Variants in SERPINE3 observed in about 807,000 individuals in gnomAD.
SERPINE3 encodes the protein serpin E3.
A neutral mutation model predicts 41.7 loss-of-function variants in SERPINE3; 43 were observed. That is an observed-to-expected ratio of 1.03 (90% CI 0.81 to 1.33). SERPINE3 has a LOEUF of 1.33. SERPINE3 is among the 40% of genes most tolerant of loss of function. The pLI is 0.00. For synonymous variants in SERPINE3, 200 were observed against 192.2 expected (o/e 1.04, Z -0.34); for missense variants, 440 against 491.7 (o/e 0.89, Z 0.99).
In SERPINE3 at chr13:51,355,136, A is replaced by G. The variant is rs752468973; in HGVS notation, c.993A>G (p.Gly331=). 6 of 1,501,334 alleles carry G rather than the reference A, an allele frequency of 4.0e-6. No homozygotes were observed. The highest frequency in any genetic ancestry group is 5.4e-6 in the Non-Finnish European group (6 of 1,101,366). The allele number at this position is 1,501,334 out of a possible 1,614,324, so 93.0% of individuals were successfully genotyped here. A position where few individuals can be genotyped will look rare whatever the true frequency, so the allele number is the denominator to read the frequency against. ...ATCCACTCAAAGCTAACTTGAAAGG[A>G]ATTTCAGGTAAAAACGGTTCTTCTT... ...LFDPLKANLK[G]ISGQDGFYVS... Residue 331 remains glycine, a synonymous_variant, in exon 7 of 10, where the codon GGA becomes GGG. Coordinates refer to ENST00000681248, the MANE Select transcript of SERPINE3 (RefSeq NM_001386375.1).
At chr13:51,354,639 C>G (rs1955452820) in intron 6 of SERPINE3, among the ~76,000 whole-genome samples, 1 of 151,510 alleles carries the variant, frequency 6.6e-6, no homozygotes, top group Non-Finnish European at 1.5e-5. Context: ...AGCCACTTTT[C>G]TCAGGTAGTT....
chr13:51,348,848 G>GTCCCCCCATGACCCC (rs1439076333), intron 6 of SERPINE3, among the ~76,000 whole-genome samples: 11 of 150,434 alleles, frequency 7.3e-5, no homozygotes, highest in East Asian at 1.9e-4. Context: ...ACGTAATTGA[G>GTCCCCCCATGACCCC]CAAGTACAGA....
intron 3 of SERPINE3, among the ~76,000 whole-genome samples, chr13:51,342,054 G>A (rs537024668): frequency 6.6e-6 from 1 of 152,076 alleles, no homozygotes; most frequent in Admixed American, 6.5e-5. Flanking sequence ...CTCTGCTTAC[G>A]CTCAGTGCCT....
chr13:51,361,557 CATAAAA>C (rs1955575477), intron 8 of SERPINE3, 193 bp downstream of exon 8: 1 of 584,876 alleles, frequency 1.7e-6, no homozygotes, highest in Admixed American at 3.2e-5. Flanking sequence ...ATATCCATCC[CATAAAA>C]ATAATTCTGA....
intron 6 of SERPINE3, among the ~76,000 whole-genome samples, chr13:51,354,550 G>A (rs1168233574): frequency 2.0e-5 from 3 of 151,002 alleles, no homozygotes; most frequent in Non-Finnish European, 2.9e-5. Context: ...GAGGCCAGAA[G>A]TTTGAGTCCA....
chr13:51,353,199 T>C (rs998533044), intron 6 of SERPINE3, among the ~76,000 whole-genome samples: 1 of 151,970 alleles, frequency 6.6e-6, no homozygotes, highest in Non-Finnish European at 1.5e-5. Flanking sequence ...CTTTTACTGA[T>C]GTTTTTAGTT....
chr13:51,342,854 A>AT (rs1171313489), intron 3 of SERPINE3, among the ~76,000 whole-genome samples: 4 of 152,212 alleles, frequency 2.6e-5, no homozygotes, highest in African/African-American at 9.6e-5. Flanking sequence ...GTTTTTATCC[A>AT]TTTTTTTCTT....
intron 8 of SERPINE3, 97 bp downstream of exon 8, chr13:51,361,461 C>T (rs1182254887): frequency 2.5e-6 from 2 of 808,164 alleles, no homozygotes; most frequent in Non-Finnish European, 4.1e-6. Context: ...TTTCCATAAC[C>T]CCCAAGTTCA....
chr13:51,346,128 G>A (rs1955343448), intron 4 of SERPINE3, among the ~76,000 whole-genome samples: 1 of 152,186 alleles, frequency 6.6e-6, no homozygotes. Context: ...ACTTAGAACA[G>A]AGCCTATCAC....
chr13:51,350,883 A>G (rs961288069), intron 6 of SERPINE3, among the ~76,000 whole-genome samples: 6 of 152,164 alleles, frequency 3.9e-5, no homozygotes, highest in African/African-American at 1.2e-4. Context: ...AAATTATACA[A>G]TTACATATTG....
At chr13:51,341,509 T>G (rs568162784) in intron 3 of SERPINE3, among the ~76,000 whole-genome samples, 162 bp downstream of exon 3, 2 of 152,272 alleles carry the variant, frequency 1.3e-5, no homozygotes, top group African/African-American at 4.8e-5. Flanking sequence ...TCAGGCTACC[T>G]GGGAGATAGG....
At chr13:51,348,499 C>T in intron 6 of SERPINE3, 88 bp downstream of exon 6, 1 of 1,065,318 alleles carries the variant, frequency 9.4e-7, no homozygotes, top group South Asian at 1.5e-5. Flanking sequence ...CCTCCAGGGT[C>T]TGTGCTTAGC....
intron 7 of SERPINE3, among the ~76,000 whole-genome samples, chr13:51,360,310 G>A (rs1955552219): frequency 6.6e-6 from 1 of 151,976 alleles, no homozygotes; most frequent in African/African-American, 2.4e-5. Flanking sequence ...AAAGGCGGCA[G>A]TGTTTGAATG....
intron 3 of SERPINE3, 73 bp from the exon 4 acceptor site, chr13:51,344,179 T>C: frequency 5.7e-6 from 6 of 1,046,696 alleles, no homozygotes; most frequent in Middle Eastern, 2.0e-4. Context: ...CTCAATGCAA[T>C]GTGTGCTGGA....
At position 51,361,889 on chromosome 13, in the gene SERPINE3, C is replaced by T; in HGVS notation, c.1167C>T (p.Asn389=). ...RPFIYFLREP[N]TGFVFSIGRV... ...TCATCTATTTCCTGAGAGAACCTAA[C>T]ACAGGTATTACAGTATTTTTTGACA... is the stretch of plus-strand genomic sequence containing the variant. Residue 389 remains asparagine, a synonymous_variant, in exon 9 of 10, where the codon AAC becomes AAT. Transcript: ENST00000681248. The T allele has an allele frequency of 6.2e-7, 1 of 1,611,470 alleles. No homozygotes were observed. The highest frequency in any genetic ancestry group is 1.1e-5 in the South Asian group (1 of 90,958).
chr13:51,343,902 C>T (rs1331729854), intron 3 of SERPINE3, among the ~76,000 whole-genome samples: 2 of 152,308 alleles, frequency 1.3e-5, no homozygotes, highest in East Asian at 1.9e-4. Flanking sequence ...GTTTTCCCAG[C>T]CCTAGAATCT....
chr13:51,344,301 C>G lies in SERPINE3; in HGVS notation c.306C>G (p.Thr102=). 6.2e-7 allele frequency: 1 copy of G among 1,613,988 alleles called. No individual in the cohort carries two copies. The highest frequency in any genetic ancestry group is 8.5e-7 in the Non-Finnish European group (1 of 1,179,872). The part of the protein sequence containing the change: ...FLHAVYATLP[T]SSQGTEMELA... ...ATGCTGTTTATGCCACACTACCCAC[C>G]TCCAGCCAAGGCACCGAGATGGAGC... The change falls in exon 4 of 10, where the codon ACC becomes ACG. Residue 102 remains threonine, a synonymous_variant. Coordinates refer to ENST00000681248, the MANE Select transcript of SERPINE3 (RefSeq NM_001386375.1).
chr13:51,353,496 T>C (rs1955431748), intron 6 of SERPINE3, among the ~76,000 whole-genome samples: 1 of 152,188 alleles, frequency 6.6e-6, no homozygotes, highest in African/African-American at 2.4e-5. Flanking sequence ...GTAACTAGTT[T>C]GCAGGTAGTT....
At position 51,348,151 on chromosome 13, in the gene SERPINE3, G is replaced by C. The variant is rs17194955; in HGVS notation, c.701-62G>C. On this transcript the variant is annotated intron_variant, in intron 5 of 9. Coordinates refer to ENST00000681248, the MANE Select transcript of SERPINE3 (RefSeq NM_001386375.1). ...TCTGAGCCAGCCTCTCTCAGGGTCCGACACTGGTTCATTCTCCTGGCTCCT... is the reference window on the plus strand; with the variant it reads ...TCTGAGCCAGCCTCTCTCAGGGTCCCACACTGGTTCATTCTCCTGGCTCCT... 25 of 1,324,688 alleles carry C rather than the reference G, an allele frequency of 1.9e-5. No homozygotes were observed. In the African/African-American group the frequency reaches 3.2e-4, roughly 17 times the overall value. The allele number at this position is 1,324,688 out of a possible 1,614,324, so 82.1% of individuals were successfully genotyped here. A position where few individuals can be genotyped will look rare whatever the true frequency, so the allele number is the denominator to read the frequency against.
Sources: allele counts gnomAD v4.1 joint callset (sites outside exome capture counted in the v4.1 genomes callset), GRCh38; gene constraint gnomAD v4.1.1; transcripts MANE v1.5; gene names NCBI Gene and HGNC (gene_info 2026-07-23, HGNC 2026-07-21).